SMARCAD1: variants seen among roughly 807,000 people sequenced by gnomAD.
SMARCAD1 encodes SWI/SNF-related matrix-associated actin-dependent regulator of chromatin subfamily A containing DEAD/H box 1.
In SMARCAD1, 25 loss-of-function variants were observed where a neutral mutation model predicts 127.1. That is an observed-to-expected ratio of 0.20 (90% CI 0.14 to 0.27). The LOEUF (loss-of-function observed/expected upper bound fraction) is 0.27, where lower values mean the gene tolerates loss of function less well. Ranked by LOEUF, SMARCAD1 falls within the 10% of genes least tolerant of loss-of-function variation. The pLI is 1.00. For missense variants in SMARCAD1, 807 were observed against 1,206.0 expected (o/e 0.67, Z 4.90); for synonymous variants, 400 against 396.9 (o/e 1.01, Z -0.09).
At chr4:94,281,833 C>A (rs577015388) in intron 21 of SMARCAD1, among the ~76,000 whole-genome samples, 1 of 151,484 alleles carries the variant, frequency 6.6e-6, no homozygotes, top group South Asian at 2.1e-4. Context: ...CTACCCTGGA[C>A]AACATGACAA....
At chr4:94,251,571 GAATGT>G (rs1560539976) in intron 8 of SMARCAD1, among the ~76,000 whole-genome samples, 1 of 152,176 alleles carries the variant, frequency 6.6e-6, no homozygotes, top group Non-Finnish European at 1.5e-5. Context: ...GCCATGTTAT[GAATGT>G]GAAAACATTT....
At chr4:94,283,014 G>GCAA (rs1322521676) in intron 21 of SMARCAD1, 107 bp from the exon 22 acceptor site, 5 of 900,854 alleles carry the variant, frequency 5.6e-6, no homozygotes, top group African/African-American at 5.0e-5. Context: ...ACTAAGAGAT[G>GCAA]TACATACATC....
chr4:94,253,577 A>C (rs1359718947), intron 9 of SMARCAD1: 2 of 1,063,490 alleles, frequency 1.9e-6, no homozygotes, highest in South Asian at 2.9e-5. Context: ...CATTTTATGG[A>C]GTGTAGCAGG....
At chr4:94,280,536 A>T in intron 19 of SMARCAD1, 56 bp from the exon 20 acceptor site, 17 of 1,372,980 alleles carry the variant, frequency 1.2e-5, no homozygotes, top group South Asian at 2.4e-5. Flanking sequence ...AACTTTTCTC[A>T]TCATATTATT....
At chr4:94,260,160 A>C (rs1475406639) in intron 9 of SMARCAD1, among the ~76,000 whole-genome samples, 1 of 152,098 alleles carries the variant, frequency 6.6e-6, no homozygotes, top group Non-Finnish European at 1.5e-5. Context: ...CTGGACTAGT[A>C]CTTTCTGTAA....
At chr4:94,255,650 A>G (rs2125924988) in intron 9 of SMARCAD1, among the ~76,000 whole-genome samples, 1 of 152,102 alleles carries the variant, frequency 6.6e-6, no homozygotes, top group African/African-American at 2.4e-5. Context: ...CTACCTTTCT[A>G]TACTACTATG....
At chr4:94,241,085 C>T (rs1184055970) in intron 6 of SMARCAD1, 79 bp downstream of exon 6, 7 of 923,764 alleles carry the variant, frequency 7.6e-6, no homozygotes, top group African/African-American at 1.6e-5. Context: ...TATTATTAGA[C>T]CTGAAAATCC....
In SMARCAD1 at chr4:94,232,054, G is replaced by C. The variant is rs367569271; in HGVS notation, c.369-1900G>C. On this transcript the variant is annotated intron_variant, in intron 3 of 23. Transcript: ENST00000354268. ...TTGTTTTAATTTTTAGTGGAGATGG[G>C]GTTTCACCATGTTAGCCAGGCTGGT... is the stretch of plus-strand genomic sequence containing the variant. 2.6e-5 allele frequency among the ~76,000 whole-genome samples: 4 copies of C among 151,972 alleles called. No homozygotes were observed. The East Asian group carries it at 7.7e-4, about 29-fold the overall frequency.
intron 20 of SMARCAD1, among the ~76,000 whole-genome samples, 170 bp from the exon 21 acceptor site, chr4:94,281,302 C>T (rs1231150564): frequency 1.3e-5 from 2 of 152,226 alleles, no homozygotes; most frequent in Non-Finnish European, 2.9e-5. Flanking sequence ...TGCAATAAGA[C>T]ATACGTCTTC....
In SMARCAD1 at chr4:94,208,510, G is replaced by C. The variant is rs961050401; in HGVS notation, c.116G>C (p.Ser39Thr). ...QPGPSSPISL[S>T]AEEENAEGEV... The stretch of plus-strand genomic sequence containing the variant: ...GGCCCTTCTTCACCAATTTCTCTTA[G>C]TGCTGAAGAGGAGAATGCTGAAGGG... The change falls in exon 2 of 24, where the codon AGT becomes ACT. Residue 39 changes from serine (S) to threonine (T), a missense_variant. Coordinates refer to ENST00000354268, the MANE Select transcript of SMARCAD1 (RefSeq NM_020159.5). 4 of 1,613,948 alleles carry C rather than the reference G, an allele frequency of 2.5e-6. No individual in the cohort carries two copies. Among genetic ancestry groups the C allele is most frequent in the Non-Finnish European group, 3.4e-6 (4 of 1,180,020 alleles).
chr4:94,251,113 A>G (rs1749214332), intron 8 of SMARCAD1, among the ~76,000 whole-genome samples: 1 of 152,176 alleles, frequency 6.6e-6, no homozygotes, highest in South Asian at 2.1e-4. Flanking sequence ...GCCATGTTTT[A>G]TTGAGTGTAA....
At chr4:94,282,355 C>T (rs1754225048) in intron 21 of SMARCAD1, among the ~76,000 whole-genome samples, 1 of 151,668 alleles carries the variant, frequency 6.6e-6, no homozygotes, top group African/African-American at 2.4e-5. Context: ...CTCGGCCTCC[C>T]AAAGTGCTGG....
At chr4:94,209,808 A>G (rs1741905504) in intron 2 of SMARCAD1, among the ~76,000 whole-genome samples, 1 of 152,172 alleles carries the variant, frequency 6.6e-6, no homozygotes, top group Admixed American at 6.5e-5. Context: ...CCCTGTGTTC[A>G]CTCTTTGAAT....
intron 8 of SMARCAD1, among the ~76,000 whole-genome samples, chr4:94,252,256 G>A (rs1329181852): frequency 1.3e-5 from 2 of 152,174 alleles, no homozygotes; most frequent in Non-Finnish European, 2.9e-5. Flanking sequence ...AAGCTTTATA[G>A]TAGTGTAAGC....
intron 9 of SMARCAD1, among the ~76,000 whole-genome samples, chr4:94,262,322 C>G (rs1394678284): frequency 6.6e-6 from 1 of 152,116 alleles, no homozygotes; most frequent in Admixed American, 6.5e-5. Context: ...GCATTGAAGC[C>G]AGAAGTCTGG....
At position 94,290,303 on chromosome 4, in the gene SMARCAD1, C is replaced by A. The variant is rs186470558; in HGVS notation, c.*769C>A. ...CATGTTTTCATTGATTTCCCTCTCCCGGCTTTTGCTTCTCTTGAAACTGTT... is the reference window on the plus strand; with the variant it reads ...CATGTTTTCATTGATTTCCCTCTCCAGGCTTTTGCTTCTCTTGAAACTGTT... On this transcript the variant is annotated 3_prime_UTR_variant, in exon 24 of 24. Coordinates refer to ENST00000354268, the MANE Select transcript of SMARCAD1 (RefSeq NM_020159.5). 4.4e-6 allele frequency: 2 copies of A among 454,468 alleles called. No individual in the cohort carries two copies. The highest frequency in any genetic ancestry group is 4.7e-5 in the Admixed American group (2 of 42,560). The allele number at this position is 454,468 out of a possible 1,614,324, so 28.2% of individuals were successfully genotyped here. A position where few individuals can be genotyped will look rare whatever the true frequency, so the allele number is the denominator to read the frequency against.
At position 94,291,089 on chromosome 4, in the gene SMARCAD1, G is replaced by T. The variant is rs878861743; in HGVS notation, c.*1555G>T. On this transcript the variant is annotated 3_prime_UTR_variant, in exon 24 of 24. Transcript: ENST00000354268. ...TATACCCAAATCAGTTATTCAAATT[G>T]TTAGGAATTTTACCTTTTAAAATCT... The T allele has an allele frequency of 8.9e-6, 4 of 448,392 alleles. No homozygotes were observed. The highest frequency in any genetic ancestry group is 6.4e-5 in the South Asian group (4 of 62,784). 27.8% of individuals were successfully genotyped at this position (448,392 alleles called of 1,614,324 possible).
At chr4:94,284,796 T>TA (rs1173418906) in intron 22 of SMARCAD1, among the ~76,000 whole-genome samples, 164 bp from the exon 23 acceptor site, 1 of 152,152 alleles carries the variant, frequency 6.6e-6, no homozygotes, top group Non-Finnish European at 1.5e-5. Context: ...GTCTAAAAGT[T>TA]AAATAGTCAG....
At chr4:94,266,704 A>G (rs1751775874) in intron 10 of SMARCAD1, among the ~76,000 whole-genome samples, 1 of 152,128 alleles carries the variant, frequency 6.6e-6, no homozygotes, top group Non-Finnish European at 1.5e-5. Flanking sequence ...ATATTAGACT[A>G]TCCTGATGAA....
Sources: gnomAD v4.1 joint callset for allele counts (sites outside exome capture counted in the v4.1 genomes callset) on GRCh38, gnomAD v4.1.1 for gene constraint, MANE v1.5 for transcripts, NCBI Gene and HGNC (gene_info 2026-07-23, HGNC 2026-07-21) for gene names.